Variants in CNTNAP2 observed in about 807,000 individuals in gnomAD.
CNTNAP2 encodes the protein contactin-associated protein-like 2.
A neutral mutation model predicts 155.2 loss-of-function variants in CNTNAP2; 98 were observed. The ratio of observed to expected loss-of-function variants is 0.63; its 90% CI spans 0.54 to 0.75. CNTNAP2 has a LOEUF of 0.75. Ranked by LOEUF, CNTNAP2 falls within the 30% of genes least tolerant of loss-of-function variation. CNTNAP2 has a pLI of 0.00. For missense variants in CNTNAP2, 1,727 were observed against 1,688.1 expected (o/e 1.02, Z -0.40); for synonymous variants, 651 against 631.2 (o/e 1.03, Z -0.47).
chr7:146,665,552 C>T (rs189536511), intron 1 of CNTNAP2, among the ~76,000 whole-genome samples: 2,496 of 151,430 alleles, frequency 0.016, 70 homozygotes, highest in African/African-American at 0.058. Context: ...GAGGCTGAGG[C>T]GGGTGGATCA....
At chr7:147,599,089 G>A (rs543256034) in intron 12 of CNTNAP2, among the ~76,000 whole-genome samples, 6 of 152,212 alleles carry the variant, frequency 3.9e-5, no homozygotes, top group Middle Eastern at 3.4e-3. Flanking sequence ...TAAGGACCAC[G>A]TTGTAAAAAC....
rs558915639 is a variant in CNTNAP2, at chr7:148,291,538, G to A, written c.3475+24412G>A. 1.6e-4 allele frequency among the ~76,000 whole-genome samples: 24 copies of A among 152,124 alleles called. No homozygotes were observed. The South Asian group carries it at 2.5e-3, about 16-fold the overall frequency. ...TTTTCTGCCTGCTTGTATTCTAGCC[G>A]TGCTGGCAGCTGATTAGATGGTGCC... is the stretch of plus-strand genomic sequence containing the variant. On this transcript the variant is annotated intron_variant, in intron 21 of 23. Coordinates refer to ENST00000361727, the MANE Select transcript of CNTNAP2 (RefSeq NM_014141.6).
intron 15 of CNTNAP2, among the ~76,000 whole-genome samples, chr7:148,052,477 T>TA (rs1446127688): frequency 1.3e-5 from 2 of 152,318 alleles, no homozygotes; most frequent in Admixed American, 1.3e-4. Flanking sequence ...TGGTTTTGTT[T>TA]AATAAGCAGA....
intron 12 of CNTNAP2, among the ~76,000 whole-genome samples, chr7:147,563,781 T>C (rs1800113585): frequency 6.6e-6 from 1 of 152,188 alleles, no homozygotes; most frequent in African/African-American, 2.4e-5. Flanking sequence ...TATACAAACT[T>C]CTTGGCTCCA....
intron 8 of CNTNAP2, among the ~76,000 whole-genome samples, chr7:147,287,241 A>G (rs547321286): frequency 2.0e-5 from 3 of 152,274 alleles, no homozygotes; most frequent in African/African-American, 7.2e-5. Context: ...TCCTAACAGG[A>G]TTCTCACTGA....
At chr7:147,234,562 A>T (rs547969533) in intron 8 of CNTNAP2, among the ~76,000 whole-genome samples, 409 of 152,022 alleles carry the variant, frequency 2.7e-3, no homozygotes, top group African/African-American at 9.2e-3. Flanking sequence ...GATGGTCTCG[A>T]TCTCCTGACC....
chr7:147,638,058 A>G (rs544799717), intron 12 of CNTNAP2, among the ~76,000 whole-genome samples: 1 of 152,326 alleles, frequency 6.6e-6, no homozygotes, highest in Admixed American at 6.5e-5. Context: ...CCAAAATTAA[A>G]CATTTTTAAC....
intron 1 of CNTNAP2, among the ~76,000 whole-genome samples, chr7:146,281,596 A>T (rs891096739): frequency 6.6e-6 from 1 of 152,038 alleles, no homozygotes; most frequent in Non-Finnish European, 1.5e-5. Flanking sequence ...GGAGTTTGAG[A>T]CCAGCCTGAT....
intron 3 of CNTNAP2, among the ~76,000 whole-genome samples, chr7:147,017,557 C>A (rs1395942825): frequency 1.3e-5 from 2 of 151,912 alleles, no homozygotes. Context: ...TTTTAACATT[C>A]TTAACTTCTT....
intron 13 of CNTNAP2, among the ~76,000 whole-genome samples, chr7:147,710,265 A>G (rs866381154): frequency 2.6e-5 from 4 of 152,168 alleles, no homozygotes; most frequent in Admixed American, 1.3e-4. Context: ...CCATTCAACT[A>G]TCCCCATAGC....
chr7:148,371,633 A>G (rs765928387), intron 21 of CNTNAP2, among the ~76,000 whole-genome samples: 2 of 152,302 alleles, frequency 1.3e-5, no homozygotes, highest in Admixed American at 6.5e-5. Context: ...TGATTAATCT[A>G]CCTTTAAAAT....
intron 3 of CNTNAP2, among the ~76,000 whole-genome samples, chr7:146,948,519 C>A (rs1229058543): frequency 2.6e-5 from 4 of 151,832 alleles, no homozygotes; most frequent in Non-Finnish European, 5.9e-5. Context: ...AAAAAATAGC[C>A]TTCATTTAGG....
intron 9 of CNTNAP2, among the ~76,000 whole-genome samples, chr7:147,388,808 C>T (rs1051711080): frequency 2.0e-5 from 3 of 152,160 alleles, no homozygotes; most frequent in Admixed American, 2.0e-4. Flanking sequence ...TCTCAAACTC[C>T]TAACTTCGTG....
chr7:148,097,117 A>T (rs1803988316), intron 15 of CNTNAP2, among the ~76,000 whole-genome samples: 1 of 152,152 alleles, frequency 6.6e-6, no homozygotes, highest in Non-Finnish European at 1.5e-5. Flanking sequence ...TTCAGTTCAT[A>T]TGGGAAAACC....
chr7:146,826,142 T>C (rs1387663307), intron 2 of CNTNAP2, among the ~76,000 whole-genome samples: 4 of 152,128 alleles, frequency 2.6e-5, no homozygotes, highest in Non-Finnish European at 5.9e-5. Flanking sequence ...GCATCCCTAA[T>C]TATTTGGTTA....
intron 3 of CNTNAP2, among the ~76,000 whole-genome samples, chr7:147,040,756 TG>T (rs1352612704): frequency 2.6e-5 from 4 of 151,992 alleles, no homozygotes; most frequent in Admixed American, 6.6e-5. Context: ...CCACTGCGCC[TG>T]GGGAAGAGTA....
At chr7:146,913,436 C>T (rs980920410) in intron 3 of CNTNAP2, among the ~76,000 whole-genome samples, 1 of 152,086 alleles carries the variant, frequency 6.6e-6, no homozygotes, top group Non-Finnish European at 1.5e-5. Flanking sequence ...TTTCAGGCTG[C>T]TATAACAAAT....
chr7:148,089,434 C>A (rs1400325481), intron 15 of CNTNAP2, among the ~76,000 whole-genome samples: 1 of 151,720 alleles, frequency 6.6e-6, no homozygotes, highest in Non-Finnish European at 1.5e-5. Flanking sequence ...ACTGTTAGAA[C>A]TAAAAATGAA....
At chr7:148,404,775 G>C (rs1248720841) in intron 22 of CNTNAP2, among the ~76,000 whole-genome samples, 1 of 152,326 alleles carries the variant, frequency 6.6e-6, no homozygotes. Flanking sequence ...TTGAGTGATG[G>C]AGGTGGCTCT....
Sources: gnomAD v4.1 joint callset for allele counts (sites outside exome capture counted in the v4.1 genomes callset) on GRCh38, gnomAD v4.1.1 for gene constraint, MANE v1.5 for transcripts, NCBI Gene and HGNC (gene_info 2026-07-23, HGNC 2026-07-21) for gene names.